The following PML variants were observed in gnomAD, a reference collection of about 807,000 sequenced individuals.
The protein encoded by PML is protein PML.
PML carries 28 observed loss-of-function variants against 65.2 expected under a neutral mutation model. The ratio of observed to expected loss-of-function variants is 0.43; its 90% CI spans 0.32 to 0.59. PML has a LOEUF of 0.59. Among genes scored for constraint, PML ranks in the 20% least tolerant of loss-of-function variants. The pLI is 0.08. For synonymous variants in PML, 500 were observed against 508.8 expected (o/e 0.98, Z 0.23); for missense variants, 1,021 against 1,203.4 (o/e 0.85, Z 2.24).
At chr15:74,038,739 A>T (rs2071629712) in intron 7 of PML, among the ~76,000 whole-genome samples, 1 of 152,092 alleles carries the variant, frequency 6.6e-6, no homozygotes, top group African/African-American at 2.4e-5. Context: ...GCTTATATCC[A>T]GCTTTGCAGT....
rs1220630365 is a variant in PML at position 74,035,426 on chromosome 15, C to T, written c.1710+896C>T. ...AGCGCCCTGCCGTCCACCGTGGGATCCGCTACCTGTTGTACAGAGCACAGA... is the reference window on the plus strand; with the variant it reads ...AGCGCCCTGCCGTCCACCGTGGGATTCGCTACCTGTTGTACAGAGCACAGA... On this transcript the variant is annotated intron_variant, in intron 7 of 8. Transcript: ENST00000268058. The surrounding 1 kb of genome is among the most constrained non-coding windows in gnomAD (Gnocchi z 4.1). 2 of 1,612,110 alleles carry T rather than the reference C, an allele frequency of 1.2e-6. No homozygotes were observed. The highest frequency in any genetic ancestry group is 1.1e-5 in the South Asian group (1 of 91,082).
chr15:74,043,606 A>T lies in PML; in HGVS notation c.1861+467A>T. 1 of 451,822 alleles carries T rather than the reference A, an allele frequency of 2.2e-6. No homozygotes were observed. Among genetic ancestry groups the T allele is most frequent in the Non-Finnish European group, 4.2e-6 (1 of 235,900 alleles). The allele number at this position is 451,822 out of a possible 1,614,324, so 28.0% of individuals were successfully genotyped here. ...GACCCCTTATCCTGGAAGCCCCTCT[A>T]CTTCCTCCAGTGCTTGCCCTGGCTC... On this transcript the variant is annotated intron_variant, in intron 8 of 8. Transcript: ENST00000268058. The surrounding 1 kb of genome is among the most constrained non-coding windows in gnomAD (Gnocchi z 4.3).
At chr15:74,034,559 C>T (rs2071460108) in intron 7 of PML, 29 bp downstream of exon 7, 4 of 1,614,226 alleles carry the variant, frequency 2.5e-6, no homozygotes, top group Non-Finnish European at 3.4e-6. Context: ...CAGCCCAGGA[C>T]TCCTGCCTCC....
intron 8 of PML, among the ~76,000 whole-genome samples, 186 bp from the exon 9 acceptor site, chr15:74,044,035 C>A (rs1401648508): frequency 2.6e-5 from 4 of 152,134 alleles, no homozygotes; most frequent in Non-Finnish European, 5.9e-5. Flanking sequence ...CGAGCCTCCC[C>A]TTCTGACTGC....
At position 74,036,176 on chromosome 15, in the gene PML, C is replaced by T. The variant is rs1247279968; in HGVS notation, c.1710+1646C>T. 2.5e-6 allele frequency: 4 copies of T among 1,600,590 alleles called. 1 individual carries two copies. The highest frequency in any genetic ancestry group is 2.2e-5 in the South Asian group (2 of 90,524). On this transcript the variant is annotated intron_variant, in intron 7 of 8. Transcript: ENST00000268058. ...GCTAAGGCATGGCTGAGATTCAAGCCACCATTCCAGGCCTCTTTGCCCAAG... is the reference window on the plus strand; with the variant it reads ...GCTAAGGCATGGCTGAGATTCAAGCTACCATTCCAGGCCTCTTTGCCCAAG...
At chr15:74,011,524 C>A (rs1343269363) in intron 2 of PML, among the ~76,000 whole-genome samples, 1 of 152,182 alleles carries the variant, frequency 6.6e-6, no homozygotes, top group Non-Finnish European at 1.5e-5. Context: ...GGAACAGAAA[C>A]TGAAGTGCAG....
intron 1 of PML, among the ~76,000 whole-genome samples, chr15:73,996,782 G>A (rs1473557237): frequency 6.6e-6 from 1 of 152,152 alleles, no homozygotes; most frequent in African/African-American, 2.4e-5. Flanking sequence ...TAATGCAATA[G>A]CTCCTCATTT....
At chr15:74,039,199 C>T (rs1282079692) in intron 7 of PML, among the ~76,000 whole-genome samples, 2 of 152,096 alleles carry the variant, frequency 1.3e-5, no homozygotes, top group African/African-American at 2.4e-5. Flanking sequence ...GGGGAGGGGC[C>T]GTGGCACTGG....
At chr15:74,032,863 C>G in intron 5 of PML, 148 bp downstream of exon 5, 1 of 902,102 alleles carries the variant, frequency 1.1e-6, no homozygotes. Context: ...GTGCTCTCCC[C>G]TGTTCTTGGC....
rs149573441 is a variant in PML at position 74,036,048 on chromosome 15, T to A, written c.1710+1518T>A. The A allele has an allele frequency of 2.5e-5, 40 of 1,613,848 alleles. 1 individual carries two copies. In the African/African-American group the frequency reaches 4.0e-4, roughly 16 times the overall value. On this transcript the variant is annotated intron_variant, in intron 7 of 8. Coordinates refer to ENST00000268058, the MANE Select transcript of PML (RefSeq NM_033238.3). ...ATGCTCTTACAGGCCCTGCACAGAG[T>A]AGCACTCATTAATTCTTGGTTAAGG... is the stretch of plus-strand genomic sequence containing the variant.
At chr15:74,012,848 C>G (rs2070396888) in intron 2 of PML, among the ~76,000 whole-genome samples, 1 of 151,722 alleles carries the variant, frequency 6.6e-6, no homozygotes, top group Non-Finnish European at 1.5e-5. Context: ...CCAAGAAGGA[C>G]TTTTTTGTTC....
At position 74,035,117 on chromosome 15, in the gene PML, T is replaced by C; in HGVS notation, c.1710+587T>C. ...ATCTGAATAGAGTGAAAGGTTGGAC[T>C]GGGTGGCCCCTGAGGTCTCTTCCAG... On this transcript the variant is annotated intron_variant, in intron 7 of 8. Transcript: ENST00000268058. This position sits in a 1 kb window ranked among gnomAD's most constrained non-coding sequence, Gnocchi z 4.1. 8.7e-7 allele frequency: 1 copy of C among 1,147,040 alleles called. No individual in the cohort carries two copies. Among genetic ancestry groups the C allele is most frequent in the South Asian group, 1.2e-5 (1 of 81,886 alleles). The allele number at this position is 1,147,040 out of a possible 1,614,324, so 71.1% of individuals were successfully genotyped here.
intron 4 of PML, among the ~76,000 whole-genome samples, chr15:74,030,167 C>T (rs2071255499): frequency 6.6e-6 from 1 of 152,174 alleles, no homozygotes; most frequent in African/African-American, 2.4e-5. Context: ...TCAGAAGGCC[C>T]ACACAGGAGG....
rs116495824 is a variant in PML, at chr15:74,007,285, C to A, written c.602+8809C>A. On this transcript the variant is annotated intron_variant, in intron 2 of 8. Coordinates refer to ENST00000268058, the MANE Select transcript of PML (RefSeq NM_033238.3). ...GCGTCTGTTGGTTTTCATTTGCCTG[C>A]AGCTCAAAACAATCATATGCCAAAG... is the stretch of plus-strand genomic sequence containing the variant. Among the ~76,000 whole-genome samples, 549 of 152,302 alleles carry A rather than the reference C, an allele frequency of 3.6e-3. 3 individuals are homozygous for A. The highest frequency in any genetic ancestry group is 0.013 in the African/African-American group (521 of 41,552).
In PML at chr15:74,045,071, G is replaced by T; in HGVS notation, c.*63G>T. The T allele has an allele frequency of 7.0e-7, 1 of 1,424,940 alleles. No homozygotes were observed. The highest frequency in any genetic ancestry group is 9.5e-7 in the Non-Finnish European group (1 of 1,055,600). The allele number at this position is 1,424,940 out of a possible 1,614,324, so 88.3% of individuals were successfully genotyped here. On this transcript the variant is annotated 3_prime_UTR_variant, in exon 9 of 9. Coordinates refer to ENST00000268058, the MANE Select transcript of PML (RefSeq NM_033238.3). ...GAGAGGGATGGGGTCCCTGAGCCAG[G>T]CCCCACCCATCACAGCATTCCCAGG...
Position 74,042,344 on chromosome 15 carries a change from A to AAGCAGTCCT in PML, c.1711-644_1711-636dup. 1.0e-6 allele frequency: 1 copy of AAGCAGTCCT among 985,396 alleles called. No individual in the cohort carries two copies. The highest frequency in any genetic ancestry group is 1.2e-6 in the Non-Finnish European group (1 of 829,874). The allele number at this position is 985,396 out of a possible 1,614,324, so 61.0% of individuals were successfully genotyped here. The stretch of plus-strand genomic sequence containing the variant: ...ACCTAGATGTGGCCTTCAGGAGGCC[A>AAGCAGTCCT]AGCAGTCCTTCCCCTCGCCTTTGTG... On this transcript the variant is annotated intron_variant, in intron 7 of 8. Coordinates refer to ENST00000268058, the MANE Select transcript of PML (RefSeq NM_033238.3). The surrounding 1 kb of genome is among the most constrained non-coding windows in gnomAD (Gnocchi z 5.3).
chr15:73,996,242 G>T (rs2069500214), intron 1 of PML, among the ~76,000 whole-genome samples: 1 of 152,226 alleles, frequency 6.6e-6, no homozygotes, highest in South Asian at 2.1e-4. Flanking sequence ...GGGAGGGAAA[G>T]ATGGCTTGCC....
chr15:74,013,206 T>G (rs1160464718), intron 2 of PML, among the ~76,000 whole-genome samples: 1 of 152,228 alleles, frequency 6.6e-6, no homozygotes, highest in Non-Finnish European at 1.5e-5. Context: ...CTCCTCCATC[T>G]TCCTTTTCTT....
rs181720050 is a variant in PML, at chr15:74,013,876, A to G, written c.603-8952A>G. ...GCAACATTTACCGGCATGTAAATCC[A>G]AATTGAATATTGGTTAATGTTCAGC... On this transcript the variant is annotated intron_variant, in intron 2 of 8. Coordinates refer to ENST00000268058, the MANE Select transcript of PML (RefSeq NM_033238.3). Among the ~76,000 whole-genome samples, 172 of 152,378 alleles carry G rather than the reference A, an allele frequency of 1.1e-3. 1 individual carries two copies. The highest frequency in any genetic ancestry group is 1.0e-3 in the Non-Finnish European group (71 of 68,038).
Sources: gnomAD v4.1 joint callset for allele counts (sites outside exome capture counted in the v4.1 genomes callset) on GRCh38, gnomAD v4.1.1 for gene constraint, Gnocchi (gnomAD v3.1) non-coding constraint, MANE v1.5 for transcripts, NCBI Gene and HGNC (gene_info 2026-07-23, HGNC 2026-07-21) for gene names.